ZPLD1: variants seen among roughly 807,000 people sequenced by gnomAD.
ZPLD1 encodes zona pellucida like domain containing 1, also known as zona pellucida-like domain-containing protein 1.
A neutral mutation model predicts 47.2 loss-of-function variants in ZPLD1; 34 were observed. The ratio of observed to expected loss-of-function variants is 0.72; its 90% confidence interval spans 0.55 to 0.96. ZPLD1 has a LOEUF of 0.96. Among genes scored for constraint, ZPLD1 ranks in the 40% least tolerant of loss-of-function variants. The pLI is 0.00. For synonymous variants in ZPLD1, 176 were observed against 186.2 expected (o/e 0.95, Z 0.45); for missense variants, 512 against 505.8 (o/e 1.01, Z -0.12).
chr3:102,392,559 C>T (rs1244185106), intron 7 of ZPLD1, among the ~76,000 whole-genome samples: 1 of 150,756 alleles, frequency 6.6e-6, no homozygotes, highest in African/African-American at 2.4e-5. Flanking sequence ...TTCCTTCCTC[C>T]TTCCTCCTTC....
chr3:102,455,487 T>C (rs1350464579), intron 4 of ZPLD1, among the ~76,000 whole-genome samples: 1 of 152,194 alleles, frequency 6.6e-6, no homozygotes, highest in Non-Finnish European at 1.5e-5. Context: ...AGTATCTTTA[T>C]GAACTAGAGA....
At chr3:102,470,340 A>T in intron 9 of ZPLD1, 54 bp from the exon 10 acceptor site, 2 of 1,439,904 alleles carry the variant, frequency 1.4e-6, no homozygotes, top group African/African-American at 2.8e-5. Flanking sequence ...AATGGCCATA[A>T]AGAAACAATT....
intron 1 of ZPLD1, among the ~76,000 whole-genome samples, chr3:102,436,561 C>T (rs1349740523): frequency 6.6e-6 from 1 of 152,138 alleles, no homozygotes; most frequent in Non-Finnish European, 1.5e-5. Context: ...ACAAACTTTA[C>T]TATCAGAAAG....
chr3:102,424,519 C>T (rs1030144964), intron 8 of ZPLD1, among the ~76,000 whole-genome samples: 3 of 152,112 alleles, frequency 2.0e-5, no homozygotes, highest in Non-Finnish European at 4.4e-5. Context: ...ATTGTTCTTG[C>T]GAGTGTTGTC....
chr3:102,445,729 C>G (rs1222247188), intron 3 of ZPLD1, among the ~76,000 whole-genome samples: 1 of 152,176 alleles, frequency 6.6e-6, no homozygotes, highest in Non-Finnish European at 1.5e-5. Context: ...TACAAAACCA[C>G]ACAGTATTTA....
intron 6 of ZPLD1, among the ~76,000 whole-genome samples, chr3:102,385,542 A>T (rs1321068512): frequency 6.6e-6 from 1 of 152,202 alleles, no homozygotes; most frequent in Non-Finnish European, 1.5e-5. Flanking sequence ...TATTACAAAG[A>T]TAAGTGAAAT....
intron 7 of ZPLD1, among the ~76,000 whole-genome samples, chr3:102,410,908 A>G (rs1240530584): frequency 1.3e-5 from 2 of 151,874 alleles, no homozygotes; most frequent in African/African-American, 4.8e-5. Context: ...ATGCTTCAAA[A>G]TGTAATATTG....
At position 102,470,496 on chromosome 3, in the gene ZPLD1, C is replaced by G. The variant is rs1326134270; in HGVS notation, c.1036C>G (p.Arg346Gly). 6.2e-7 allele frequency: 1 copy of G among 1,613,758 alleles called. No homozygotes were observed. The highest frequency in any genetic ancestry group is 2.2e-5 in the East Asian group (1 of 44,880). ...AVLSAGPIIT[R>G]SDETPTNNSQ... is the part of the protein sequence containing the mutation. ...GCTCTCTGCTGGTCCCATCATTACT[C>G]GGAGTGGTAAGTGTGCTCCTCCTTC... The change falls in exon 10 of 12, where the codon CGG becomes GGG. Residue 346 changes from arginine (R) to glycine (G), a missense_variant. Transcript: ENST00000466937.
At chr3:102,407,404 T>C (rs1206685040) in intron 7 of ZPLD1, among the ~76,000 whole-genome samples, 2 of 64,392 alleles carry the variant, frequency 3.1e-5, no homozygotes, top group South Asian at 4.9e-4. Flanking sequence ...TATATATATA[T>C]ATATATATAT....
upstream of ZPLD1, among the ~76,000 whole-genome samples, chr3:102,434,630 C>A (rs1238639691): frequency 2.6e-5 from 4 of 152,130 alleles, no homozygotes; most frequent in East Asian, 7.7e-4. Flanking sequence ...ACATACAAAA[C>A]TCTTTTGCAC....
chr3:102,390,292 C>A (rs540553385), intron 6 of ZPLD1, among the ~76,000 whole-genome samples: 265 of 152,276 alleles, frequency 1.7e-3, no homozygotes, highest in African/African-American at 6.2e-3. Context: ...ACTTTTACCC[C>A]CAACCGGATT....
At chr3:102,432,409 G>A (rs978235446), upstream of ZPLD1, among the ~76,000 whole-genome samples, 4 of 152,150 alleles carry the variant, frequency 2.6e-5, no homozygotes, top group Non-Finnish European at 5.9e-5. Flanking sequence ...GTTTAGTGGG[G>A]AAAAGTGCAT....
In ZPLD1 at chr3:102,464,164, C is replaced by T. The variant is rs766408722; in HGVS notation, c.681-7C>T. 1.2e-6 allele frequency: 2 copies of T among 1,603,380 alleles called. No homozygotes were observed. Among genetic ancestry groups the T allele is most frequent in the Non-Finnish European group, 1.7e-6 (2 of 1,171,062 alleles). On this transcript the variant is annotated splice_polypyrimidine_tract_variant and splice_region_variant and intron_variant, in intron 7 of 11. Transcript: ENST00000466937. ...ACTCTAGATTATGTTTGCTTACATT[C>T]TTTCAGATGGAATGTTTTAATGGAT...
intron 5 of ZPLD1, 134 bp downstream of exon 5, chr3:102,456,508 T>C (rs1707415751): frequency 1.4e-6 from 1 of 732,122 alleles, no homozygotes; most frequent in Non-Finnish European, 2.3e-6. Flanking sequence ...GGAAACATAT[T>C]ATGTCTAATA....
At chr3:102,402,968 A>G (rs181156063) in intron 7 of ZPLD1, among the ~76,000 whole-genome samples, 126 of 152,072 alleles carry the variant, frequency 8.3e-4, no homozygotes, top group African/African-American at 2.8e-3. Context: ...ATGTACCCCT[A>G]TGCACCCATC....
chr3:102,391,727 C>G (rs1706497790), intron 6 of ZPLD1, among the ~76,000 whole-genome samples: 1 of 152,018 alleles, frequency 6.6e-6, no homozygotes, highest in Non-Finnish European at 1.5e-5. Context: ...CCACTGAGAC[C>G]TGTACAAATT....
At chr3:102,395,830 T>C (rs1706550456) in intron 7 of ZPLD1, among the ~76,000 whole-genome samples, 1 of 152,176 alleles carries the variant, frequency 6.6e-6, no homozygotes, top group Non-Finnish European at 1.5e-5. Context: ...ATAATTTGTA[T>C]CAATTGTATA....
intron 3 of ZPLD1, among the ~76,000 whole-genome samples, chr3:102,440,739 A>C (rs1018013939): frequency 1.1e-4 from 17 of 151,366 alleles, no homozygotes; most frequent in African/African-American, 4.1e-4. Context: ...GGGAAAAAAA[A>C]AAAAAAAAAA....
chr3:102,457,760 C>T, intron 5 of ZPLD1, 21 bp from the exon 6 acceptor site: 1 of 1,612,350 alleles, frequency 6.2e-7, no homozygotes. Context: ...CAGTGCTTTC[C>T]TTTTTCTAAA....
Sources: allele counts gnomAD v4.1 joint callset (sites outside exome capture counted in the v4.1 genomes callset), GRCh38; gene constraint gnomAD v4.1.1; transcripts MANE v1.5; gene names NCBI Gene and HGNC (gene_info 2026-07-23, HGNC 2026-07-21).